Variants in SLC28A1 observed in about 807,000 individuals in gnomAD.
SLC28A1 encodes the protein sodium/nucleoside cotransporter 1.
A neutral mutation model predicts 74.8 loss-of-function variants in SLC28A1; 64 were observed. That is an observed-to-expected ratio of 0.86 (90% CI 0.70 to 1.05). The LOEUF (loss-of-function observed/expected upper bound fraction) is 1.05, where lower values mean the gene tolerates loss of function less well. Ranked by LOEUF, SLC28A1 falls within the 50% of genes least tolerant of loss-of-function variation. SLC28A1 has a pLI of 0.00. For missense variants in SLC28A1, 828 were observed against 822.8 expected, an observed-to-expected ratio of 1.01 and a Z score of -0.08; for synonymous variants, 359 against 335.0, an observed-to-expected ratio of 1.07 and a Z score of -0.78.
the SLC28A1 span, among the ~76,000 whole-genome samples, chr15:84,964,763 C>A: frequency 6.6e-6 from 1 of 152,150 alleles, no homozygotes; most frequent in South Asian, 2.1e-4. Context: ...CTTTTCCTCC[C>A]ATGCATTCAT....
intron 2 of SLC28A1, among the ~76,000 whole-genome samples, chr15:84,887,153 C>T (rs1318314883): frequency 6.6e-6 from 1 of 152,178 alleles, no homozygotes; most frequent in Non-Finnish European, 1.5e-5. Flanking sequence ...GGATGTTGCA[C>T]CTCCATCTTT....
intron 2 of SLC28A1, chr15:84,887,345 G>T: frequency 1.0e-6 from 1 of 985,366 alleles, no homozygotes. Flanking sequence ...TGCTGTTTCT[G>T]CCTGGAACTC....
intron 12 of SLC28A1, among the ~76,000 whole-genome samples, chr15:84,930,302 C>G (rs1229829893): frequency 1.3e-5 from 2 of 152,222 alleles, no homozygotes; most frequent in Non-Finnish European, 2.9e-5. Context: ...GGGGAAGTCC[C>G]AAAGCCCAGC....
At chr15:84,968,968 G>A in the SLC28A1 span, among the ~76,000 whole-genome samples, 4 of 152,278 alleles carry the variant, frequency 2.6e-5, no homozygotes, top group African/African-American at 9.6e-5. Context: ...CACTCACTTT[G>A]AACCTGAAAA....
chr15:84,885,147 C>T (rs537671560), intron 1 of SLC28A1, among the ~76,000 whole-genome samples: 47 of 151,760 alleles, frequency 3.1e-4, no homozygotes, highest in Non-Finnish European at 6.5e-4. Context: ...TTAGTAGAGA[C>T]GGGGTTTCAC....
At chr15:84,959,890 A>G in the SLC28A1 span, among the ~76,000 whole-genome samples, 1,256 of 152,312 alleles carry the variant, frequency 8.2e-3, 11 homozygotes, top group Non-Finnish European at 0.011. Context: ...CGTAACAATG[A>G]GTCCCTGAAG....
At chr15:84,927,669 A>G (rs1596324644) in intron 12 of SLC28A1, among the ~76,000 whole-genome samples, 2 of 152,138 alleles carry the variant, frequency 1.3e-5, no homozygotes, top group Admixed American at 1.3e-4. Flanking sequence ...GGCTTTGGGG[A>G]AAAGGGCTTC....
At chr15:84,921,159 C>T (rs1969787751) in intron 11 of SLC28A1, 90 bp downstream of exon 11, 3 of 970,356 alleles carry the variant, frequency 3.1e-6, no homozygotes, top group Admixed American at 3.7e-5. Context: ...TGATTCAGTC[C>T]AAGGAAGAGC....
At chr15:84,941,496 C>T (rs1972691633) in intron 15 of SLC28A1, among the ~76,000 whole-genome samples, 1 of 152,026 alleles carries the variant, frequency 6.6e-6, no homozygotes, top group South Asian at 2.1e-4. Context: ...TGACCCACTG[C>T]ACCCGGCCGG....
At chr15:84,938,485 C>T (rs963512495) in intron 15 of SLC28A1, 2 of 152,090 alleles carry the variant, frequency 1.3e-5, no homozygotes, top group Non-Finnish European at 2.9e-5. Context: ...TTCTCCGTAT[C>T]GTTCTGATTT....
chr15:84,936,445 A>G (rs904336964), intron 15 of SLC28A1, among the ~76,000 whole-genome samples: 2 of 151,920 alleles, frequency 1.3e-5, no homozygotes, highest in Admixed American at 1.3e-4. Flanking sequence ...TTTAGTAGAG[A>G]CGGGGTTCAC....
At chr15:84,936,317 G>A (rs963704905) in intron 15 of SLC28A1, among the ~76,000 whole-genome samples, 2 of 151,910 alleles carry the variant, frequency 1.3e-5, no homozygotes, top group Admixed American at 6.6e-5. Flanking sequence ...GAGTGCAGTG[G>A]CACATTCTTA....
the SLC28A1 span, among the ~76,000 whole-genome samples, chr15:84,960,228 CTTTTTTTTTTTTTTTTTTTTTTTT>C: frequency 0.37 from 31,613 of 84,580 alleles, 8,857 homozygotes; most frequent in Middle Eastern, 0.53. Context: ...TGCCTGCCTG[CTTTTTTTTTTTTTTTTTTTTTTTT>C]TTTTTTTTTT....
At chr15:84,946,663 C>A (rs1335094936), downstream of SLC28A1, among the ~76,000 whole-genome samples, 1 of 152,078 alleles carries the variant, frequency 6.6e-6, no homozygotes, top group East Asian at 1.9e-4. Context: ...CGATGTGGGG[C>A]CTCTCTGTTG....
chr15:84,969,168 CCTT>C, the SLC28A1 span, among the ~76,000 whole-genome samples: 3 of 152,222 alleles, frequency 2.0e-5, no homozygotes, highest in Non-Finnish European at 4.4e-5. Context: ...AGGACAGAAT[CCTT>C]CTCCTTTCTG....
the SLC28A1 span, among the ~76,000 whole-genome samples, chr15:84,965,094 G>A: frequency 6.6e-6 from 1 of 152,168 alleles, no homozygotes; most frequent in Non-Finnish European, 1.5e-5. Context: ...TGTCATGGGA[G>A]GGACCTGGTG....
At chr15:84,912,806 G>GCGCGCACACA (rs764101004) in intron 9 of SLC28A1, among the ~76,000 whole-genome samples, 51 of 112,292 alleles carry the variant, frequency 4.5e-4, no homozygotes, top group East Asian at 8.3e-4. Flanking sequence ...TTGCGCGCGC[G>GCGCGCACACA]CACACACACA....
rs751514742 is a variant in SLC28A1 at position 84,887,785 on chromosome 15, A to C, written c.25A>C (p.Arg9=). The C allele has an allele frequency of 6.2e-7, 1 of 1,614,020 alleles. No homozygotes were observed. Among genetic ancestry groups the C allele is most frequent in the East Asian group, 2.2e-5 (1 of 44,868 alleles). Residue 9 remains arginine, a synonymous_variant, in exon 3 of 19, where the codon AGA becomes CGA. Coordinates refer to ENST00000394573, the MANE Select transcript of SLC28A1 (RefSeq NM_004213.5). The part of the protein sequence containing the change: MENDPSRR[R]ESISLTPVAK... Reference sequence around the variant, plus strand: ...CATGGAGAACGACCCCTCGAGACGAAGAGAGTCCATCTCTCTCACACCTGT... The same window carrying C: ...CATGGAGAACGACCCCTCGAGACGACGAGAGTCCATCTCTCTCACACCTGT...
chr15:84,927,802 C>T (rs747276615), intron 12 of SLC28A1, among the ~76,000 whole-genome samples: 42 of 152,048 alleles, frequency 2.8e-4, no homozygotes, highest in Admixed American at 2.0e-4. Flanking sequence ...ACTTCTGAGC[C>T]CTTTATTCTA....
Sources: allele counts gnomAD v4.1 joint callset (sites outside exome capture counted in the v4.1 genomes callset), GRCh38; gene constraint gnomAD v4.1.1; transcripts MANE v1.5; gene names NCBI Gene and HGNC (gene_info 2026-07-23, HGNC 2026-07-21).